Variants in WWOX observed in about 807,000 individuals in gnomAD.
WWOX encodes the protein WW domain-containing oxidoreductase.
A neutral mutation model predicts 46.2 loss-of-function variants in WWOX; 69 were observed. The observed-to-expected ratio is 1.49, with a 90% confidence interval of 1.23 to 1.82. WWOX has a LOEUF of 1.82. Ranked by LOEUF, WWOX falls within the 40% of genes most tolerant of loss-of-function variation. The pLI, the probability that WWOX is intolerant of heterozygous loss-of-function variation, is 0.00. For synonymous variants in WWOX, 359 were observed against 202.6 expected (o/e 1.77, Z -6.56); for missense variants, 919 against 542.6 (o/e 1.69, Z -6.89).
intron 5 of WWOX, among the ~76,000 whole-genome samples, chr16:78,286,820 T>C (rs1314302836): frequency 6.6e-6 from 1 of 152,228 alleles, no homozygotes; most frequent in East Asian, 1.9e-4. Flanking sequence ...AAGCTGTCTC[T>C]ACTCTGTTAT....
chr16:78,427,348 T>C (rs1242199351), intron 7 of WWOX, among the ~76,000 whole-genome samples: 1 of 152,212 alleles, frequency 6.6e-6, no homozygotes, highest in Non-Finnish European at 1.5e-5. Flanking sequence ...CTGAATTGAG[T>C]TTCTGCATAC....
intron 8 of WWOX, among the ~76,000 whole-genome samples, chr16:78,449,871 T>C (rs987277141): frequency 5.9e-5 from 9 of 151,906 alleles, no homozygotes; most frequent in African/African-American, 7.3e-5. Flanking sequence ...GGATTTGAGT[T>C]ACAAAAACTA....
intron 8 of WWOX, among the ~76,000 whole-genome samples, chr16:78,768,025 T>G (rs188700205): frequency 1.1e-3 from 164 of 152,224 alleles, no homozygotes; most frequent in African/African-American, 3.8e-3. Context: ...GAGACAGTTG[T>G]TGTTTACATT....
chr16:78,529,089 G>GGTGCAC, intron 8 of WWOX, among the ~76,000 whole-genome samples: 1 of 151,498 alleles, frequency 6.6e-6, no homozygotes, highest in East Asian at 1.9e-4. Flanking sequence ...GAGTCACTGG[G>GGTGCAC]ACTACAGGTG....
At chr16:79,034,479 G>T (rs1288790503) in intron 8 of WWOX, among the ~76,000 whole-genome samples, 1 of 152,164 alleles carries the variant, frequency 6.6e-6, no homozygotes, top group Non-Finnish European at 1.5e-5. Context: ...CATCTTTTGG[G>T]GGCTCTGTTA....
chr16:78,371,837 C>T (rs75592493), intron 5 of WWOX, among the ~76,000 whole-genome samples: 2 of 151,964 alleles, frequency 1.3e-5, no homozygotes, highest in Non-Finnish European at 2.9e-5. Flanking sequence ...ATATTTCTCT[C>T]TTTTAATCAT....
At chr16:78,902,610 TCTG>T (rs1403701958) in intron 8 of WWOX, among the ~76,000 whole-genome samples, 1 of 152,236 alleles carries the variant, frequency 6.6e-6, no homozygotes, top group Non-Finnish European at 1.5e-5. Context: ...AGTTTTCTCT[TCTG>T]CTCTCTTTGG....
chr16:79,085,527 C>T (rs1045651837), intron 8 of WWOX, among the ~76,000 whole-genome samples: 6 of 152,048 alleles, frequency 3.9e-5, no homozygotes, highest in African/African-American at 1.2e-4. Flanking sequence ...AAACTAATTT[C>T]CTATAAAGAA....
At chr16:78,939,786 A>G (rs1345804980) in intron 8 of WWOX, among the ~76,000 whole-genome samples, 1 of 152,170 alleles carries the variant, frequency 6.6e-6, no homozygotes, top group Non-Finnish European at 1.5e-5. Context: ...TCCAAATTCC[A>G]CTTCCCCTTT....
intron 8 of WWOX, among the ~76,000 whole-genome samples, chr16:79,026,286 C>T (rs914502636): frequency 6.6e-6 from 1 of 151,742 alleles, no homozygotes; most frequent in Admixed American, 6.6e-5. Context: ...CTAACTCCTG[C>T]CTGCCACAGG....
At chr16:78,914,581 G>T (rs926240909) in intron 8 of WWOX, among the ~76,000 whole-genome samples, 3 of 151,972 alleles carry the variant, frequency 2.0e-5, no homozygotes, top group Admixed American at 2.0e-4. Flanking sequence ...GGCACTGTGA[G>T]TATAAGAGGG....
At chr16:78,718,213 C>T (rs921161713) in intron 8 of WWOX, among the ~76,000 whole-genome samples, 4 of 150,816 alleles carry the variant, frequency 2.7e-5, no homozygotes, top group Admixed American at 6.6e-5. Context: ...TTAATTTGCA[C>T]ATTTGTAAAC....
chr16:79,020,825 C>A (rs535857705), intron 8 of WWOX, among the ~76,000 whole-genome samples: 1 of 152,080 alleles, frequency 6.6e-6, no homozygotes, highest in African/African-American at 2.4e-5. Context: ...AATAAGTGGT[C>A]ACTTTGAGGT....
chr16:78,480,384 T>C (rs562546908), intron 8 of WWOX, among the ~76,000 whole-genome samples: 23 of 152,374 alleles, frequency 1.5e-4, no homozygotes, highest in African/African-American at 5.5e-4. Flanking sequence ...CATTAAACTC[T>C]TTCATTTATT....
intron 5 of WWOX, among the ~76,000 whole-genome samples, chr16:78,334,604 TAG>T (rs138227102): frequency 2.8e-4 from 43 of 152,208 alleles, no homozygotes; most frequent in African/African-American, 9.6e-4. Flanking sequence ...AAACAGAACA[TAG>T]AGTTGTGTAT....
At chr16:78,730,611 C>T (rs909800800) in intron 8 of WWOX, among the ~76,000 whole-genome samples, 1 of 132,700 alleles carries the variant, frequency 7.5e-6, no homozygotes, top group Non-Finnish European at 1.5e-5. Context: ...GCCACCACGC[C>T]CGGCAATTTT....
intron 5 of WWOX, among the ~76,000 whole-genome samples, chr16:78,180,802 A>T (rs887096043): frequency 6.6e-6 from 1 of 152,180 alleles, no homozygotes; most frequent in Non-Finnish European, 1.5e-5. Context: ...AGGTAAACCC[A>T]GCTGCACCCC....
chr16:78,801,343 C>G (rs922875860), intron 8 of WWOX, among the ~76,000 whole-genome samples: 15 of 152,116 alleles, frequency 9.9e-5, no homozygotes. Context: ...AATCCCATCT[C>G]TACTAAAAAT....
At chr16:79,038,902 T>C (rs1158701157) in intron 8 of WWOX, among the ~76,000 whole-genome samples, 2 of 152,188 alleles carry the variant, frequency 1.3e-5, no homozygotes, top group Non-Finnish European at 2.9e-5. Context: ...ATGTAAAGCA[T>C]ACATAGAGGA....
Sources: gnomAD v4.1 joint callset for allele counts (sites outside exome capture counted in the v4.1 genomes callset) on GRCh38, gnomAD v4.1.1 for gene constraint, MANE v1.5 for transcripts, NCBI Gene and HGNC (gene_info 2026-07-23, HGNC 2026-07-21) for gene names.